The following LPP variants were observed in gnomAD, a reference collection of about 807,000 sequenced individuals.
LPP encodes LIM domain containing preferred translocation partner in lipoma, also known as lipoma-preferred partner.
Under a neutral mutation model 60.4 loss-of-function variants are expected in LPP, and 38 were observed. The observed-to-expected ratio is 0.63, with a 90% CI of 0.49 to 0.83. The LOEUF (loss-of-function observed/expected upper bound fraction) is 0.83. Among genes scored for constraint, LPP ranks in the 40% least tolerant of loss-of-function variants. LPP has a pLI of 0.00. For missense variants in LPP, 902 were observed against 783.6 expected, an observed-to-expected ratio of 1.15 and a Z score of -1.80; for synonymous variants, 328 against 290.8, an observed-to-expected ratio of 1.13 and a Z score of -1.30.
intron 6 of LPP, among the ~76,000 whole-genome samples, chr3:188,583,658 T>C (rs1457982003): frequency 6.6e-6 from 1 of 152,174 alleles, no homozygotes; most frequent in African/African-American, 2.4e-5. Flanking sequence ...TTGTTAAACT[T>C]CTTAGTCTCA....
At chr3:188,282,061 T>C (rs1253968502) in intron 2 of LPP, among the ~76,000 whole-genome samples, 1 of 152,040 alleles carries the variant, frequency 6.6e-6, no homozygotes, top group African/African-American at 2.4e-5. Flanking sequence ...TCCCCTCCTC[T>C]CTTTTCCCTT....
At chr3:188,172,789 T>G (rs1258124808) in intron 1 of LPP, among the ~76,000 whole-genome samples, 1 of 152,230 alleles carries the variant, frequency 6.6e-6, no homozygotes, top group East Asian at 1.9e-4. Flanking sequence ...TTCCACTAAG[T>G]TCCTCTTTCT....
At chr3:188,208,062 T>G (rs1560111544) in intron 1 of LPP, 1 of 152,226 alleles carries the variant, frequency 6.6e-6, no homozygotes, top group Non-Finnish European at 1.5e-5. Flanking sequence ...TCTCAAATGA[T>G]CAGCACAGGA....
At chr3:188,487,685 T>C (rs1394904054) in intron 5 of LPP, among the ~76,000 whole-genome samples, 1 of 152,140 alleles carries the variant, frequency 6.6e-6, no homozygotes, top group Non-Finnish European at 1.5e-5. Context: ...TTGGTCCTGC[T>C]CTGGCCCAGG....
intron 8 of LPP, among the ~76,000 whole-genome samples, chr3:188,752,998 C>T (rs564428205): frequency 8.5e-4 from 130 of 152,292 alleles, no homozygotes; most frequent in African/African-American, 3.1e-3. Context: ...TTCCTCTTTC[C>T]CTGCAGGTGT....
intron 9 of LPP, among the ~76,000 whole-genome samples, chr3:188,850,053 A>G (rs930199829): frequency 1.3e-5 from 2 of 152,246 alleles, no homozygotes; most frequent in African/African-American, 4.8e-5. Flanking sequence ...CCCCAGCCCC[A>G]GAGATAATGA....
rs139433253 is a variant in LPP at position 188,863,003 on chromosome 3, T to C, written c.1411-3197T>C. Among the ~76,000 whole-genome samples the C allele has an allele frequency of 6.6e-5, 10 of 152,268 alleles. 1 individual carries two copies. Among genetic ancestry groups the C allele is most frequent in the African/African-American group, 2.4e-4 (10 of 41,566 alleles). ...ATAACACAAAAATATCCCTCTATGA[T>C]CCTTACAATTTTACCATTAGCAATT... On this transcript the variant is annotated intron_variant, in intron 9 of 11. Coordinates refer to ENST00000617246, the MANE Select transcript of LPP (RefSeq NM_001375462.1).
Position 188,621,237 on chromosome 3 carries a change from G to A in LPP, c.1113+11393G>A, listed in dbSNP as rs566417032. Reference sequence around the variant, plus strand: ...CTTTTATTTTAGATACAGGGGATACGTGTGTGGGATTACTACATGGGTAAT... The same window carrying A: ...CTTTTATTTTAGATACAGGGGATACATGTGTGGGATTACTACATGGGTAAT... On this transcript the variant is annotated intron_variant, in intron 7 of 11. Transcript: ENST00000617246. 1.4e-4 allele frequency among the ~76,000 whole-genome samples: 21 copies of A among 152,026 alleles called. No homozygotes were observed. The South Asian group carries it at 4.2e-3, about 30-fold the overall frequency.
In LPP at chr3:188,765,861, C is replaced by CTTTTTTTTT. The variant is rs71169019; in HGVS notation, c.1410+5597_1410+5605dup. Among the ~76,000 whole-genome samples the CTTTTTTTTT allele has an allele frequency of 9.7e-5, 9 of 92,626 alleles. 1 individual carries two copies. The highest frequency in any genetic ancestry group is 4.9e-4 in the South Asian group (1 of 2,054). 60.8% of individuals were successfully genotyped at this position (92,626 alleles called of 152,430 possible). ...GCAACGTGCAACTTAATGTTCAACT[C>CTTTTTTTTT]TTTTTTTTTTTTTTTTTTTTTTTTT... On this transcript the variant is annotated intron_variant, in intron 9 of 11. Coordinates refer to ENST00000617246, the MANE Select transcript of LPP (RefSeq NM_001375462.1).
At chr3:188,240,688 A>G (rs1724194923) in intron 2 of LPP, among the ~76,000 whole-genome samples, 1 of 152,194 alleles carries the variant, frequency 6.6e-6, no homozygotes, top group Admixed American at 6.5e-5. Flanking sequence ...AAGGCTGCTC[A>G]GGTGGGATAA....
intron 6 of LPP, among the ~76,000 whole-genome samples, chr3:188,607,376 T>TATAG (rs1560628228): frequency 3.8e-3 from 42 of 11,106 alleles, no homozygotes; most frequent in African/African-American, 0.016. Context: ...AGAAGATATA[T>TATAG]ATATATATAT....
chr3:188,677,647 G>A lies in LPP; in HGVS notation c.1114-30620G>A, dbSNP rs5001972. 2.2e-4 allele frequency among the ~76,000 whole-genome samples: 33 copies of A among 152,270 alleles called. No individual in the cohort carries two copies. In the East Asian group the frequency reaches 2.9e-3, roughly 13 times the overall value. ...GGAAATGGGAGAGGGGGAGGGAAGC[G>A]TTCCATGAGCTGCTCTGTCATTTGC... On this transcript the variant is annotated intron_variant, in intron 7 of 11. Coordinates refer to ENST00000617246, the MANE Select transcript of LPP (RefSeq NM_001375462.1).
chr3:188,552,682 C>T (rs1828462951), intron 6 of LPP, among the ~76,000 whole-genome samples: 1 of 152,164 alleles, frequency 6.6e-6, no homozygotes, highest in South Asian at 2.1e-4. Flanking sequence ...AGTGACATTG[C>T]ATTTCTCTGA....
chr3:188,791,098 G>C (rs3898140), intron 9 of LPP, among the ~76,000 whole-genome samples: 1 of 151,830 alleles, frequency 6.6e-6, no homozygotes, highest in South Asian at 2.1e-4. Context: ...GTATCTTGCA[G>C]TCTGTCAGCA....
chr3:188,262,950 G>A (rs868520831), intron 2 of LPP, among the ~76,000 whole-genome samples: 7 of 151,892 alleles, frequency 4.6e-5, no homozygotes, highest in Non-Finnish European at 8.8e-5. Flanking sequence ...GGCAGAGGGA[G>A]AAAAGGAAAA....
chr3:188,525,739 A>G (rs1434154967), intron 6 of LPP, among the ~76,000 whole-genome samples: 2 of 152,104 alleles, frequency 1.3e-5, no homozygotes, highest in Non-Finnish European at 2.9e-5. Context: ...TTTCTTTCCT[A>G]AGGTTGTGAA....
intron 4 of LPP, among the ~76,000 whole-genome samples, chr3:188,426,508 G>A (rs978692887): frequency 3.3e-5 from 5 of 152,120 alleles, no homozygotes; most frequent in African/African-American, 1.2e-4. Context: ...TGATATCCTT[G>A]TTAACCTTCT....
At chr3:188,213,686 T>A (rs1042884579) in intron 1 of LPP, among the ~76,000 whole-genome samples, 3 of 152,152 alleles carry the variant, frequency 2.0e-5, no homozygotes, top group African/African-American at 7.2e-5. Flanking sequence ...CTTTCCCTTC[T>A]TTTGTTCATG....
intron 9 of LPP, among the ~76,000 whole-genome samples, chr3:188,783,758 A>C (rs1247864845): frequency 6.6e-6 from 1 of 152,044 alleles, no homozygotes; most frequent in African/African-American, 2.4e-5. Context: ...TTTTCTATCA[A>C]GTATTCTGCC....
Sources: allele counts gnomAD v4.1 joint callset (sites outside exome capture counted in the v4.1 genomes callset), GRCh38; gene constraint gnomAD v4.1.1; transcripts MANE v1.5; gene names NCBI Gene and HGNC (gene_info 2026-07-23, HGNC 2026-07-21).